Variants in TNRC18 observed in about 807,000 individuals in gnomAD.
TNRC18 encodes trinucleotide repeat containing 18.
TNRC18 carries 69 observed loss-of-function variants against 226.7 expected under a neutral mutation model. The ratio of observed to expected loss-of-function variants is 0.30; its 90% confidence interval spans 0.25 to 0.37. TNRC18 has a LOEUF of 0.37. TNRC18 is among the 10% of genes least tolerant of loss of function. The pLI, the probability that TNRC18 is intolerant of heterozygous loss-of-function variation, is 1.00. For missense variants in TNRC18, 4,754 were observed against 4,256.6 expected, an observed-to-expected ratio of 1.12 and a Z score of -3.25; for synonymous variants, 2,449 against 1,927.6, an observed-to-expected ratio of 1.27 and a Z score of -7.09.
chr7:5,332,532 C>A, intron 19 of TNRC18, 90 bp downstream of exon 19: 1 of 1,392,130 alleles, frequency 7.2e-7, no homozygotes, highest in Non-Finnish European at 9.5e-7. Flanking sequence ...AACAGTGAAG[C>A]CGCTTCCCTA....
intron 19 of TNRC18, 180 bp from the exon 20 acceptor site, chr7:5,325,428 GTTTTTT>G: frequency 2.1e-6 from 1 of 468,490 alleles, no homozygotes; most frequent in Non-Finnish European, 3.6e-6. Context: ...GTTTTTTTTT[GTTTTTT>G]TTTTTTTGAG....
intron 2 of TNRC18, among the ~76,000 whole-genome samples, chr7:5,408,083 C>G (rs1348576261): frequency 6.6e-6 from 1 of 152,040 alleles, no homozygotes; most frequent in East Asian, 1.9e-4. Flanking sequence ...GGGTGGATCA[C>G]GAGGTTAGGA....
chr7:5,367,193 C>G (rs1278252190), intron 11 of TNRC18, among the ~76,000 whole-genome samples: 1 of 151,876 alleles, frequency 6.6e-6, no homozygotes, highest in Non-Finnish European at 1.5e-5. Flanking sequence ...GGGGAAACCC[C>G]GTCTCTACTA....
intron 18 of TNRC18, among the ~76,000 whole-genome samples, chr7:5,335,976 G>A (rs1349717529): frequency 1.3e-5 from 2 of 151,804 alleles, no homozygotes; most frequent in East Asian, 2.0e-4. Context: ...GGAGGCCAAG[G>A]CGGGCAGATC....
Position 5,388,681 on chromosome 7 carries a change from G to T in TNRC18, c.1143C>A (p.Phe381Leu). 2 of 1,266,220 alleles carry T rather than the reference G, an allele frequency of 1.6e-6. No homozygotes were observed. The highest frequency in any genetic ancestry group is 2.1e-5 in the South Asian group (1 of 47,614). The allele number at this position is 1,266,220 out of a possible 1,614,324, so 78.4% of individuals were successfully genotyped here. Residue 381 changes from phenylalanine to leucine, a missense_variant, in exon 5 of 30, where the codon TTC (phenylalanine) becomes TTA (leucine). Phe to Leu is a conservative substitution (Grantham distance 22). Transcript: ENST00000430969. ...TCTGGATGGGCCCCGGGCGCTCGTC[G>T]AAGGCCTCCACGGAAGGCACGAAGG... ...APTFVPSVEA[F>L]DERPGPIQIA...
intron 11 of TNRC18, among the ~76,000 whole-genome samples, chr7:5,366,079 G>A (rs1264225255): frequency 1.3e-5 from 2 of 152,012 alleles, no homozygotes; most frequent in Non-Finnish European, 2.9e-5. Context: ...GACTAATGAT[G>A]CTGCTGAGGG....
rs527913982 is a variant in TNRC18 at position 5,342,253 on chromosome 7, A to AC, written c.5719+3308dup. Among the ~76,000 whole-genome samples, 320 of 152,118 alleles carry AC rather than the reference A, an allele frequency of 2.1e-3. 2 individuals are homozygous for AC. The highest frequency in any genetic ancestry group is 7.5e-3 in the African/African-American group (311 of 41,504). ...AGACCAGTCTGGCCGACATGGCGAA[A>AC]CCCTGTCTCTACTAAAAATACAAAA... On this transcript the variant is annotated intron_variant, in intron 18 of 29. Transcript: ENST00000430969.
chr7:5,395,105 C>T (rs1780580142), intron 2 of TNRC18, among the ~76,000 whole-genome samples: 1 of 152,214 alleles, frequency 6.6e-6, no homozygotes, highest in Admixed American at 6.5e-5. Context: ...CCCTAGCCAG[C>T]CCCGTGTGCC....
chr7:5,357,043 T>G lies in TNRC18; in HGVS notation c.5067A>C (p.Lys1689Asn). 1 of 1,552,290 alleles carries G rather than the reference T, an allele frequency of 6.4e-7. No individual in the cohort carries two copies. Among genetic ancestry groups the G allele is most frequent in the South Asian group, 1.2e-5 (1 of 84,070 alleles). The part of the protein sequence containing the change: ...ALAKGLGLSL[K>N]SSREGKHKRA... ...TTTTGTGTTTACCTTCTCTGGAGGA[T>G]TTCAGAGACAGGCCGAGGCCCTTGG... Residue 1689 changes from lysine (K) to asparagine (N), a missense_variant, in exon 16 of 30, where the codon AAA (lysine) becomes AAC (asparagine). Transcript: ENST00000430969.
chr7:5,354,701 G>A (rs1417899498), intron 16 of TNRC18, among the ~76,000 whole-genome samples: 1 of 152,090 alleles, frequency 6.6e-6, no homozygotes, highest in Non-Finnish European at 1.5e-5. Flanking sequence ...CCCACAGGGA[G>A]CATGAGTCCT....
chr7:5,413,317 C>T (rs751639701), intron 2 of TNRC18, among the ~76,000 whole-genome samples: 4 of 152,026 alleles, frequency 2.6e-5, no homozygotes, highest in Non-Finnish European at 5.9e-5. Context: ...TCAAATCTGC[C>T]CCTCCCCATC....
intron 5 of TNRC18, among the ~76,000 whole-genome samples, chr7:5,382,989 G>C (rs78225961): frequency 0.18 from 27,191 of 152,118 alleles, 4,217 homozygotes; most frequent in African/African-American, 0.42. Flanking sequence ...ACCTGCTGGG[G>C]TCAGGTGATC....
intron 17 of TNRC18, among the ~76,000 whole-genome samples, chr7:5,346,872 C>T (rs1791248119): frequency 6.6e-6 from 1 of 152,162 alleles, no homozygotes; most frequent in Admixed American, 6.5e-5. Flanking sequence ...GAAACAGGGC[C>T]ACCCCCGTGA....
chr7:5,392,361 G>A (rs978087808), intron 3 of TNRC18, among the ~76,000 whole-genome samples: 4 of 152,188 alleles, frequency 2.6e-5, no homozygotes, highest in African/African-American at 7.2e-5. Flanking sequence ...TCCTCAGGAG[G>A]CTGTGGCAGG....
Position 5,376,108 on chromosome 7 carries a change from G to C in TNRC18, c.2725C>G (p.Arg909Gly). The change falls in exon 9 of 30, where the codon CGG becomes GGG. Residue 909 changes from arginine to glycine, a missense_variant. Transcript: ENST00000430969. ...TGCAGGTACAGGAACTCCTGCTGCC[G>C]CAGGAAGTGCTGCTGTGAGAAGAGC... is the stretch of plus-strand genomic sequence containing the variant. ...LQLFSQQHFL[R>G]QQEFLYLQQQ... 1 of 1,591,714 alleles carries C rather than the reference G, an allele frequency of 6.3e-7. No individual in the cohort carries two copies. Among genetic ancestry groups the C allele is most frequent in the Non-Finnish European group, 8.5e-7 (1 of 1,170,080 alleles).
intron 19 of TNRC18, among the ~76,000 whole-genome samples, chr7:5,327,300 T>C (rs1789011108): frequency 6.6e-6 from 1 of 152,180 alleles, no homozygotes; most frequent in South Asian, 2.1e-4. Context: ...AAAAATGGTA[T>C]GTTCTAGGGA....
At chr7:5,344,797 G>A (rs77429588) in intron 18 of TNRC18, among the ~76,000 whole-genome samples, 5,966 of 152,228 alleles carry the variant, frequency 0.039, 209 homozygotes, top group African/African-American at 0.085. Context: ...GGTGAGCTGC[G>A]TCCGTGTGAG....
At chr7:5,340,810 C>T (rs1007611142) in intron 18 of TNRC18, among the ~76,000 whole-genome samples, 12 of 151,880 alleles carry the variant, frequency 7.9e-5, no homozygotes, top group Non-Finnish European at 1.3e-4. Flanking sequence ...GATAAGCAGC[C>T]GGTGTTGATG....
chr7:5,339,914 G>A (rs1197580445), intron 18 of TNRC18, among the ~76,000 whole-genome samples: 2 of 151,846 alleles, frequency 1.3e-5, no homozygotes, highest in Non-Finnish European at 2.9e-5. Flanking sequence ...AAAAGTGTGT[G>A]TTGACTGCTC....
Sources: gnomAD v4.1 joint callset for allele counts (sites outside exome capture counted in the v4.1 genomes callset) on GRCh38, gnomAD v4.1.1 for gene constraint, MANE v1.5 for transcripts, NCBI Gene and HGNC (gene_info 2026-07-23, HGNC 2026-07-21) for gene names.